HPS3: variants seen among roughly 807,000 people sequenced by gnomAD.
The protein encoded by HPS3 is HPS3 biogenesis of lysosomal organelles complex 2 subunit 1, also known as BLOC-2 complex member HPS3.
HPS3 carries 79 observed loss-of-function variants against 110.9 expected under a neutral mutation model. That is an observed-to-expected ratio of 0.71 (90% CI 0.59 to 0.86). HPS3 has a LOEUF of 0.86. HPS3 is among the 40% of genes least tolerant of loss of function. The pLI, the probability that HPS3 is intolerant of heterozygous loss-of-function variation, is 0.00. For missense variants in HPS3, 1,197 were observed against 1,206.2 expected (o/e 0.99, Z 0.11); for synonymous variants, 428 against 451.0 (o/e 0.95, Z 0.65).
Position 149,140,058 on chromosome 3 carries a change from A to T in HPS3, c.272A>T (p.Tyr91Phe). The T allele has an allele frequency of 6.2e-7, 1 of 1,613,190 alleles. No homozygotes were observed. ...EKNKATFLRA[Y>F]VNWRNKRTEN... ...AACAAAGCTACATTTCTACGTGCTT[A>T]TGTGAACTGGAGAAATAAAAGGACT... The change falls in exon 2 of 17, where the codon TAT (tyrosine) becomes TTT (phenylalanine). Residue 91 changes from tyrosine (Y) to phenylalanine (F), a missense_variant. Transcript: ENST00000296051.
chr3:149,133,620 A>T (rs542815456), intron 1 of HPS3, among the ~76,000 whole-genome samples: 1 of 152,100 alleles, frequency 6.6e-6, no homozygotes, highest in South Asian at 2.1e-4. Context: ...TATTTTAAGG[A>T]TTTGCCACAG....
intron 16 of HPS3, 170 bp downstream of exon 16, chr3:149,168,153 T>C: frequency 1.7e-6 from 1 of 605,894 alleles, no homozygotes; most frequent in Admixed American, 2.9e-5. Flanking sequence ...CATTTGATAT[T>C]GATTTATCTC....
chr3:149,141,365 C>T lies in HPS3; in HGVS notation c.955C>T (p.Pro319Ser). 1 of 1,613,280 alleles carries T rather than the reference C, an allele frequency of 6.2e-7. No homozygotes were observed. The change falls in exon 4 of 17, where the codon CCC (proline) becomes TCC (serine). Residue 319 changes from proline (P) to serine (S), a missense_variant. By Grantham distance (74) the Pro-to-Ser change is moderately conservative. Transcript: ENST00000296051. The part of the protein sequence containing the change: ...DIKLHSLQLL[P>S]IYQTGSLTSD... ...CAAGCTACATTCCCTCCAGCTGCTA[C>T]CCATTTACCAGACCGGTAAGCATGA...
chr3:149,150,543 T>G, intron 5 of HPS3, 56 bp from the exon 6 acceptor site: 1 of 1,382,284 alleles, frequency 7.2e-7, no homozygotes, highest in Non-Finnish European at 1.0e-6. Flanking sequence ...CTCCCTGCTG[T>G]GGGTATGTTG....
intron 6 of HPS3, among the ~76,000 whole-genome samples, chr3:149,152,832 T>C (rs371499891): frequency 6.6e-6 from 1 of 152,342 alleles, no homozygotes; most frequent in Admixed American, 6.5e-5. Flanking sequence ...AATAGAGCTC[T>C]TCCATTAGTT....
rs762079803 is a variant in HPS3, at chr3:149,141,005, T to C, written c.713-12T>C. ...TCATTCAAGCAGGACTGTTACATTTTATTTTTTTAAGGCATCAGTAATGAA... is the reference window on the plus strand; with the variant it reads ...TCATTCAAGCAGGACTGTTACATTTCATTTTTTTAAGGCATCAGTAATGAA... On this transcript the variant is annotated splice_polypyrimidine_tract_variant and intron_variant, in intron 2 of 16. Transcript: ENST00000296051. 1 of 1,612,864 alleles carries C rather than the reference T, an allele frequency of 6.2e-7. No individual in the cohort carries two copies. The highest frequency in any genetic ancestry group is 8.5e-7 in the Non-Finnish European group (1 of 1,178,860).
intron 15 of HPS3, among the ~76,000 whole-genome samples, chr3:149,167,610 A>G (rs2108186059): frequency 6.6e-6 from 1 of 152,222 alleles, no homozygotes; most frequent in East Asian, 1.9e-4. Context: ...TTCTTGCCAC[A>G]TAGGAGATGA....
intron 4 of HPS3, among the ~76,000 whole-genome samples, chr3:149,144,474 C>A (rs1472663633): frequency 3.3e-5 from 5 of 152,230 alleles, no homozygotes; most frequent in African/African-American, 1.2e-4. Context: ...TTCTGTAATT[C>A]ATTTGTTTGA....
At chr3:149,163,376 C>T (rs955914350) in intron 13 of HPS3, among the ~76,000 whole-genome samples, 3 of 152,110 alleles carry the variant, frequency 2.0e-5, no homozygotes. Context: ...TTCTTGCTAC[C>T]GTTCTTGCTC....
rs372464061 is a variant in HPS3 at position 149,129,732 on chromosome 3, G to T, written c.9G>T (p.Gln3His). ...TCCCGCCGGACGTCGGGATGGTGCA[G>T]CTGTACAACCTGCACCCGTTCGGGT... is the stretch of plus-strand genomic sequence containing the variant. The part of the protein sequence containing the change: MV[Q>H]LYNLHPFGSQ... The change falls in exon 1 of 17, where the codon CAG becomes CAT. Residue 3 changes from glutamine (Q) to histidine (H), a missense_variant. Gln to His is a conservative substitution (Grantham distance 24, BLOSUM62 0). Transcript: ENST00000296051. 5.0e-6 allele frequency: 8 copies of T among 1,600,046 alleles called. No individual in the cohort carries two copies. Among genetic ancestry groups the T allele is most frequent in the South Asian group, 2.2e-5 (2 of 90,506 alleles).
intron 12 of HPS3, 149 bp from the exon 13 acceptor site, chr3:149,162,541 A>C: frequency 9.9e-7 from 1 of 1,005,738 alleles, no homozygotes. Flanking sequence ...CCTTTTAAAA[A>C]TGTCTAAATT....
chr3:149,137,604 A>AT (rs1722193262), intron 1 of HPS3, among the ~76,000 whole-genome samples: 1 of 152,222 alleles, frequency 6.6e-6, no homozygotes, highest in Non-Finnish European at 1.5e-5. Flanking sequence ...TGAGTAAATA[A>AT]AATATATTGT....
rs770304143 is a variant in HPS3 at position 149,145,428 on chromosome 3, C to G, written c.1045C>G (p.Pro349Ala). 15 of 1,613,810 alleles carry G rather than the reference C, an allele frequency of 9.3e-6. No individual in the cohort carries two copies. The highest frequency in any genetic ancestry group is 1.2e-5 in the Non-Finnish European group (14 of 1,179,852). The change falls in exon 5 of 17, where the codon CCT (proline) becomes GCT (alanine). Residue 349 changes from proline (P) to alanine (A), a missense_variant. Pro to Ala is a conservative substitution (Grantham distance 27). Transcript: ENST00000296051. ...LLSLFCFFSL[P>A]HVGYLYMVVK... ...GAGTCTCTTTTGCTTTTTCTCCTTA[C>G]CTCATGTGGGCTATCTCTACATGGT...
At chr3:149,161,293 C>T (rs1326066607) in intron 11 of HPS3, among the ~76,000 whole-genome samples, 1 of 152,088 alleles carries the variant, frequency 6.6e-6, no homozygotes, top group Non-Finnish European at 1.5e-5. Context: ...TCTACAGTTA[C>T]CAACATCCAC....
chr3:149,141,456 T>C, intron 4 of HPS3, 76 bp downstream of exon 4: 1 of 1,170,436 alleles, frequency 8.5e-7, no homozygotes, highest in Non-Finnish European at 1.3e-6. Flanking sequence ...TGAAGACCCA[T>C]GTGGGTAATA....
At chr3:149,139,620 A>G (rs1395069968) in intron 1 of HPS3, among the ~76,000 whole-genome samples, 1 of 152,230 alleles carries the variant, frequency 6.6e-6, no homozygotes. Context: ...AATTCTGCTA[A>G]TCTGAGAATT....
chr3:149,143,320 G>A (rs2108134596), intron 4 of HPS3, among the ~76,000 whole-genome samples: 1 of 152,290 alleles, frequency 6.6e-6, no homozygotes, highest in Admixed American at 6.5e-5. Flanking sequence ...CTTGTGCGTA[G>A]GGTACTCCTC....
chr3:149,136,698 A>G (rs1350064246), intron 1 of HPS3, among the ~76,000 whole-genome samples: 1 of 152,244 alleles, frequency 6.6e-6, no homozygotes, highest in Non-Finnish European at 1.5e-5. Context: ...AGCTCTGATC[A>G]TAAGGATTGT....
chr3:149,154,135 C>T (rs1327668183), intron 7 of HPS3: 1 of 155,838 alleles, frequency 6.4e-6, no homozygotes, highest in African/African-American at 2.4e-5. Flanking sequence ...ATTTTGATAA[C>T]ATTCATCTCT....
Sources: allele counts gnomAD v4.1 joint callset (sites outside exome capture counted in the v4.1 genomes callset), GRCh38; gene constraint gnomAD v4.1.1; transcripts MANE v1.5; gene names NCBI Gene and HGNC (gene_info 2026-07-23, HGNC 2026-07-21).